The following NME7 variants were observed in gnomAD, a reference collection of about 807,000 sequenced individuals.
The protein encoded by NME7 is NME/NM23 family member 7.
A neutral mutation model predicts 49.1 loss-of-function variants in NME7; 41 were observed. That is an observed-to-expected ratio of 0.83 (90% CI 0.65 to 1.08). NME7 has a LOEUF of 1.08. Among genes scored for constraint, NME7 ranks in the 50% least tolerant of loss-of-function variants. NME7 has a pLI of 0.00. For synonymous variants in NME7, 139 were observed against 150.6 expected, an observed-to-expected ratio of 0.92 and a Z score of 0.56; for missense variants, 423 against 463.4, an observed-to-expected ratio of 0.91 and a Z score of 0.80.
At chr1:169,365,478 A>G (rs545170703) in intron 1 of NME7, among the ~76,000 whole-genome samples, 1 of 152,368 alleles carries the variant, frequency 6.6e-6, no homozygotes, top group South Asian at 2.1e-4. Flanking sequence ...TTGCAAGTGC[A>G]AAGTAGAAAG....
intron 11 of NME7, among the ~76,000 whole-genome samples, chr1:169,153,667 CA>C (rs1379996746): frequency 3.6e-5 from 3 of 83,016 alleles, no homozygotes; most frequent in Non-Finnish European, 7.2e-5. Context: ...TTTAATTTTA[CA>C]TTTTTTTTTA....
At chr1:169,324,293 C>CAT in intron 2 of NME7, 100 bp downstream of exon 2, 2 of 667,638 alleles carry the variant, frequency 3.0e-6, no homozygotes, top group Non-Finnish European at 5.4e-6. Flanking sequence ...TACACACACA[C>CAT]ATACATATAA....
At chr1:169,334,711 T>C (rs1571397952) in intron 1 of NME7, among the ~76,000 whole-genome samples, 1 of 151,758 alleles carries the variant, frequency 6.6e-6, no homozygotes, top group East Asian at 1.9e-4. Flanking sequence ...AAATTGACAA[T>C]AGGATCTAAT....
At chr1:169,244,115 T>C (rs1336091974) in intron 7 of NME7, among the ~76,000 whole-genome samples, 1 of 152,180 alleles carries the variant, frequency 6.6e-6, no homozygotes, top group Admixed American at 6.5e-5. Context: ...TCTGAATATA[T>C]ACTATAAAAT....
chr1:169,180,496 C>A (rs773127693), intron 10 of NME7, among the ~76,000 whole-genome samples: 79 of 152,332 alleles, frequency 5.2e-4, no homozygotes, highest in Middle Eastern at 6.8e-3. Context: ...TTGGGGCAAA[C>A]TCTCTTTAAA....
intron 1 of NME7, among the ~76,000 whole-genome samples, chr1:169,346,654 T>C (rs1283122778): frequency 6.6e-6 from 1 of 152,226 alleles, no homozygotes; most frequent in Non-Finnish European, 1.5e-5. Flanking sequence ...ACTTCATATG[T>C]TTATTGCTTA....
At position 169,367,759 on chromosome 1, in the gene NME7, ACAC is replaced by A. The variant is rs540871211; in HGVS notation, c.-52_-50del. ...AAATAGGTATCGTTGAGACAGGAAGACACCACCACCACCACCATCATACGGTTA... is the reference window on the plus strand; with the variant it reads ...AAATAGGTATCGTTGAGACAGGAAGACACCACCACCACCATCATACGGTTA... On this transcript the variant is annotated 5_prime_UTR_variant, in exon 1 of 12. Transcript: ENST00000367811. 80 of 1,611,234 alleles carry A rather than the reference ACAC, an allele frequency of 5.0e-5. No individual in the cohort carries two copies. Among genetic ancestry groups the A allele is most frequent in the Non-Finnish European group, 5.7e-5 (67 of 1,177,704 alleles).
intron 3 of NME7, among the ~76,000 whole-genome samples, chr1:169,319,034 T>A (rs1034137691): frequency 1.9e-3 from 108 of 57,132 alleles, no homozygotes; most frequent in Admixed American, 4.3e-3. Context: ...TTTAATTTAA[T>A]TTTAATTTTA....
rs1658268014 is a variant in NME7, at chr1:169,132,706, A to AAAG, written c.*76_*78dup. On this transcript the variant is annotated 3_prime_UTR_variant, in exon 12 of 12. Transcript: ENST00000367811. Reference sequence around the variant, plus strand: ...AGTCAGGTTAAAACAACGGACAATAAAAGAATGAACACATTCCTCGTGTGT... The same window carrying AAAG: ...AGTCAGGTTAAAACAACGGACAATAAAAGAAGAATGAACACATTCCTCGTGTGT... The AAAG allele has an allele frequency of 2.9e-6, 4 of 1,368,234 alleles. No individual in the cohort carries two copies. The highest frequency in any genetic ancestry group is 4.1e-6 in the Non-Finnish European group (4 of 968,470). The allele number at this position is 1,368,234 out of a possible 1,614,324, so 84.8% of individuals were successfully genotyped here. A position where few individuals can be genotyped will look rare whatever the true frequency, so the allele number is the denominator to read the frequency against.
intron 1 of NME7, among the ~76,000 whole-genome samples, chr1:169,335,556 G>A (rs762379113): frequency 2.0e-5 from 3 of 151,736 alleles, no homozygotes; most frequent in South Asian, 2.1e-4. Context: ...CTGTTGTGGG[G>A]TGGGGGATGA....
chr1:169,367,528 G>A (rs1244333176), intron 1 of NME7, among the ~76,000 whole-genome samples, 180 bp downstream of exon 1: 2 of 152,290 alleles, frequency 1.3e-5, no homozygotes, highest in South Asian at 2.1e-4. Flanking sequence ...GGAATTCAGG[G>A]TGCTGTAAGA....
At chr1:169,342,491 ATATATATACAAGTACATATATATATAG>A (rs1652750416) in intron 1 of NME7, among the ~76,000 whole-genome samples, 1 of 138,800 alleles carries the variant, frequency 7.2e-6, no homozygotes. Flanking sequence ...ATTAGTATAT[ATATATATACAAGTACATATATATATAG>A]TATATATATA....
At chr1:169,132,838 A>C (rs1557955224) in intron 11 of NME7, 21 bp from the exon 12 acceptor site, 1 of 1,612,082 alleles carries the variant, frequency 6.2e-7, no homozygotes, top group Non-Finnish European at 8.5e-7. Flanking sequence ...GAAACACATA[A>C]TTTCTTAGTT....
intron 8 of NME7, 61 bp downstream of exon 8, chr1:169,237,562 T>C: frequency 7.9e-7 from 1 of 1,263,178 alleles, no homozygotes. Flanking sequence ...ATGTAAAGCA[T>C]TTTATAACTA....
intron 4 of NME7, chr1:169,303,505 A>G: frequency 6.6e-6 from 1 of 151,108 alleles, no homozygotes; most frequent in Non-Finnish European, 1.3e-5. Context: ...GCCAGAGTGC[A>G]GTGGCACGAT....
intron 7 of NME7, among the ~76,000 whole-genome samples, chr1:169,256,877 G>C (rs557445007): frequency 0.044 from 5,808 of 131,722 alleles, 932 homozygotes; most frequent in African/African-American, 0.14. Context: ...AGGCTGCTTG[G>C]GGGTCAGGGG....
At chr1:169,173,918 C>A (rs769776592) in intron 10 of NME7, among the ~76,000 whole-genome samples, 11 of 152,150 alleles carry the variant, frequency 7.2e-5, no homozygotes, top group Non-Finnish European at 2.9e-5. Flanking sequence ...TTATAAATAA[C>A]AGGTTATGCT....
chr1:169,316,323 G>C (rs1012291316), intron 3 of NME7, among the ~76,000 whole-genome samples: 1 of 152,100 alleles, frequency 6.6e-6, no homozygotes, highest in Non-Finnish European at 1.5e-5. Flanking sequence ...TATGAGTTGG[G>C]AGAGAGCCAT....
chr1:169,139,863 C>A (rs1189134309), intron 11 of NME7, among the ~76,000 whole-genome samples: 2 of 152,128 alleles, frequency 1.3e-5, no homozygotes, highest in South Asian at 4.1e-4. Context: ...AGTAAACAGA[C>A]GTGAGAACCA....
Sources: allele counts gnomAD v4.1 joint callset (sites outside exome capture counted in the v4.1 genomes callset), GRCh38; gene constraint gnomAD v4.1.1; transcripts MANE v1.5; gene names NCBI Gene and HGNC (gene_info 2026-07-23, HGNC 2026-07-21).